FABP12: variants seen among roughly 807,000 people sequenced by gnomAD.
The protein encoded by FABP12 is fatty acid-binding protein 12.
A neutral mutation model predicts 13.7 loss-of-function variants in FABP12; 19 were observed. The ratio of observed to expected loss-of-function variants is 1.39; its 90% CI spans 0.97 to 2.04. The LOEUF (loss-of-function observed/expected upper bound fraction) is 2.04. FABP12 is among the 30% of genes most tolerant of loss of function. FABP12 has a pLI of 0.00. For missense variants in FABP12, 182 were observed against 164.2 expected, an observed-to-expected ratio of 1.11 and a Z score of -0.59; for synonymous variants, 61 against 57.0, an observed-to-expected ratio of 1.07 and a Z score of -0.32.
chr8:81,556,879 C>CTTTTTTT (rs11338781), intron 1 of FABP12, among the ~76,000 whole-genome samples: 1 of 109,266 alleles, frequency 9.2e-6, no homozygotes, highest in African/African-American at 3.8e-5. Flanking sequence ...AAGTGTACAT[C>CTTTTTTT]TTTTTTTTTT....
intron 1 of FABP12, among the ~76,000 whole-genome samples, chr8:81,544,109 GA>G (rs1809396508): frequency 6.6e-6 from 1 of 152,142 alleles, no homozygotes; most frequent in African/African-American, 2.4e-5. Context: ...GAACTATGGG[GA>G]AAACTATCAT....
chr8:81,551,186 T>C (rs1272945929), intron 1 of FABP12, among the ~76,000 whole-genome samples: 5 of 152,154 alleles, frequency 3.3e-5, no homozygotes, highest in Non-Finnish European at 7.4e-5. Context: ...AAATACTGAC[T>C]CCTGAGGTCC....
At chr8:81,577,527 G>A (rs1810069757) in intron 1 of FABP12, among the ~76,000 whole-genome samples, 1 of 151,778 alleles carries the variant, frequency 6.6e-6, no homozygotes, top group African/African-American at 2.4e-5. Context: ...GGGAGGCTGA[G>A]GTGGGCAGAT....
upstream of FABP12, among the ~76,000 whole-genome samples, chr8:81,535,183 A>G (rs868321563): frequency 1.3e-5 from 2 of 152,220 alleles, no homozygotes; most frequent in Non-Finnish European, 2.9e-5. Flanking sequence ...TGGATTTTGC[A>G]GTGATCAGAC....
intron 3 of FABP12, among the ~76,000 whole-genome samples, chr8:81,528,426 A>G (rs1223735263): frequency 6.6e-6 from 1 of 152,230 alleles, no homozygotes; most frequent in Non-Finnish European, 1.5e-5. Flanking sequence ...ATAGAAATCC[A>G]TATTAAGCAT....
chr8:81,547,700 T>C (rs1240511468), intron 1 of FABP12, among the ~76,000 whole-genome samples: 2 of 152,228 alleles, frequency 1.3e-5, no homozygotes, highest in Admixed American at 6.5e-5. Flanking sequence ...ATTCATTCAA[T>C]ACACATTTCA....
At position 81,575,112 on chromosome 8, in the gene FABP12, C is replaced by T. The variant is rs987939336; in HGVS notation, c.-185+14941G>A. Among the ~76,000 whole-genome samples, 20 of 152,230 alleles carry T rather than the reference C, an allele frequency of 1.3e-4. 1 individual carries two copies. The highest frequency in any genetic ancestry group is 4.1e-4 in the South Asian group (2 of 4,824). ...GTAGGGCTATGAACTTTCATCTTAG[C>T]ACTGCCTTTGCTATATCCCAGAGGT... On this transcript the variant is annotated intron_variant, in intron 1 of 5. Coordinates refer to the FABP12 transcript ENST00000692030.
At chr8:81,562,582 G>C (rs1013414237) in intron 1 of FABP12, among the ~76,000 whole-genome samples, 6 of 152,076 alleles carry the variant, frequency 3.9e-5, no homozygotes, top group African/African-American at 1.4e-4. Context: ...ATTTACCACA[G>C]CTTGACTGAA....
At chr8:81,528,697 T>C (rs556861069) in intron 3 of FABP12, among the ~76,000 whole-genome samples, 1 of 152,332 alleles carries the variant, frequency 6.6e-6, no homozygotes, top group Non-Finnish European at 1.5e-5. Flanking sequence ...GGAAAAAGAC[T>C]GTAAACAATA....
intron 1 of FABP12, among the ~76,000 whole-genome samples, chr8:81,558,168 T>A (rs1809653982): frequency 6.6e-6 from 1 of 152,090 alleles, no homozygotes; most frequent in Non-Finnish European, 1.5e-5. Context: ...ATGCTAGGGT[T>A]TTTTCCCTGG....
chr8:81,548,895 T>C (rs1431747358), intron 1 of FABP12, among the ~76,000 whole-genome samples: 1 of 152,232 alleles, frequency 6.6e-6, no homozygotes, highest in Non-Finnish European at 1.5e-5. Flanking sequence ...AGTGCCTTGA[T>C]ATTTGGTCAA....
chr8:81,552,514 G>C (rs1356217260), intron 1 of FABP12, among the ~76,000 whole-genome samples: 1 of 152,182 alleles, frequency 6.6e-6, no homozygotes, highest in Non-Finnish European at 1.5e-5. Flanking sequence ...TGGCAAGAGA[G>C]TTGGAGGCAG....
At chr8:81,549,377 T>C (rs1165614549) in intron 1 of FABP12, among the ~76,000 whole-genome samples, 1 of 152,162 alleles carries the variant, frequency 6.6e-6, no homozygotes, top group Non-Finnish European at 1.5e-5. Flanking sequence ...GCTTGGTCTT[T>C]ATCTGATTGT....
chr8:81,546,170 A>C (rs1048872945), intron 1 of FABP12, among the ~76,000 whole-genome samples: 4 of 152,196 alleles, frequency 2.6e-5, no homozygotes, highest in African/African-American at 9.7e-5. Context: ...GCTTTTGCTT[A>C]TGTCTCTGTT....
intron 1 of FABP12, among the ~76,000 whole-genome samples, chr8:81,572,919 TGTTCTTTTG>T (rs765788116): frequency 7.0e-6 from 1 of 143,844 alleles, no homozygotes; most frequent in South Asian, 2.3e-4. Flanking sequence ...TGCTGCTAAC[TGTTCTTTTG>T]CCCTGCAAAA....
At chr8:81,554,649 G>A (rs1809576569) in intron 1 of FABP12, among the ~76,000 whole-genome samples, 2 of 152,118 alleles carry the variant, frequency 1.3e-5, no homozygotes, top group East Asian at 3.9e-4. Context: ...ACTACAATCA[G>A]CCAAGTCACC....
chr8:81,575,916 C>T (rs1278244559), intron 1 of FABP12, among the ~76,000 whole-genome samples: 2 of 152,124 alleles, frequency 1.3e-5, no homozygotes, highest in African/African-American at 4.8e-5. Flanking sequence ...CCACCACTCC[C>T]CAAACCCCTG....
chr8:81,555,869 T>C (rs1418106518), intron 1 of FABP12, among the ~76,000 whole-genome samples: 1 of 152,194 alleles, frequency 6.6e-6, no homozygotes, highest in African/African-American at 2.4e-5. Context: ...CCAAAGACTT[T>C]AGATGTTCTA....
At chr8:81,551,348 C>A (rs978937465) in intron 1 of FABP12, among the ~76,000 whole-genome samples, 153 of 152,252 alleles carry the variant, frequency 1.0e-3, no homozygotes, top group African/African-American at 3.6e-3. Context: ...ATTCTCTGGT[C>A]ACAGTCTTGC....
Sources: allele counts gnomAD v4.1 joint callset (sites outside exome capture counted in the v4.1 genomes callset), GRCh38; gene constraint gnomAD v4.1.1; transcripts MANE v1.5; gene names NCBI Gene and HGNC (gene_info 2026-07-23, HGNC 2026-07-21).